The following RNF19A variants were observed in gnomAD, a reference collection of about 807,000 sequenced individuals.
RNF19A encodes the protein ring finger protein 19A, RBR E3 ubiquitin protein ligase, also known as E3 ubiquitin-protein ligase RNF19A.
In RNF19A, 32 loss-of-function variants were observed where a neutral mutation model predicts 75.7. That is an observed-to-expected ratio of 0.42 (90% CI 0.32 to 0.57). The LOEUF is 0.57. Among genes scored for constraint, RNF19A ranks in the 20% least tolerant of loss-of-function variants. The pLI is 0.10. For missense variants in RNF19A, 782 were observed against 1,036.3 expected, an observed-to-expected ratio of 0.75 and a Z score of 3.37; for synonymous variants, 335 against 345.2, an observed-to-expected ratio of 0.97 and a Z score of 0.33.
upstream of RNF19A, among the ~76,000 whole-genome samples, chr8:100,314,596 T>C (rs1287842850): frequency 2.0e-5 from 3 of 152,158 alleles, no homozygotes; most frequent in Non-Finnish European, 4.4e-5. This position sits in a 1 kb window ranked among gnomAD's most constrained non-coding sequence, Gnocchi z 4.1. Flanking sequence ...CTTCCTTCTC[T>C]TCTCTTTCTC....
At chr8:100,327,660 G>T (rs891875374) in intron 1 of RNF19A, among the ~76,000 whole-genome samples, 7 of 152,168 alleles carry the variant, frequency 4.6e-5, no homozygotes, top group African/African-American at 1.7e-4. Flanking sequence ...ATCCTGAGTG[G>T]ATGGTCCCTC....
Position 100,259,853 on chromosome 8 carries a change from C to G in RNF19A, c.1826+1G>C. On this transcript the variant is annotated splice_donor_variant, in intron 9 of 9. Coordinates refer to ENST00000341084, the MANE Select transcript of RNF19A (RefSeq NM_183419.4). LOFTEE classifies it high-confidence loss of function. This position sits in a 1 kb window ranked among gnomAD's most constrained non-coding sequence, Gnocchi z 4.5. ...CAATTTTTTAACAGTTTTTTCCTTACTTGTCCAATGGGATGTAGGAATTCA... is the reference window on the plus strand; with the variant it reads ...CAATTTTTTAACAGTTTTTTCCTTAGTTGTCCAATGGGATGTAGGAATTCA... 3 of 1,605,422 alleles carry G rather than the reference C, an allele frequency of 1.9e-6. No individual in the cohort carries two copies. The highest frequency in any genetic ancestry group is 2.5e-6 in the Non-Finnish European group (3 of 1,176,746).
intron 3 of RNF19A, 54 bp from the exon 4 acceptor site, chr8:100,270,067 C>G: frequency 7.2e-7 from 1 of 1,396,288 alleles, no homozygotes; most frequent in South Asian, 1.8e-5. Flanking sequence ...CTAAAAATAA[C>G]TTCTAGCAGT....
upstream of RNF19A, among the ~76,000 whole-genome samples, chr8:100,310,525 C>T (rs1220659299): frequency 6.6e-6 from 1 of 152,236 alleles, no homozygotes; most frequent in East Asian, 1.9e-4. Flanking sequence ...TTATTCATTC[C>T]TTTGTGTTCT....
At chr8:100,278,379 T>G (rs1441334035) in intron 2 of RNF19A, among the ~76,000 whole-genome samples, 2 of 152,228 alleles carry the variant, frequency 1.3e-5, no homozygotes, top group African/African-American at 4.8e-5. Context: ...GGTTGGCATT[T>G]TAGACATAAC....
intron 1 of RNF19A, among the ~76,000 whole-genome samples, chr8:100,300,303 A>G (rs1381371613): frequency 6.6e-6 from 1 of 152,236 alleles, no homozygotes; most frequent in East Asian, 1.9e-4. Context: ...CACAGCAGGT[A>G]AACAATCATA....
intron 1 of RNF19A, among the ~76,000 whole-genome samples, chr8:100,320,125 T>G (rs2130346764): frequency 6.6e-6 from 1 of 152,300 alleles, no homozygotes; most frequent in African/African-American, 2.4e-5. Flanking sequence ...CGTGAGCCAC[T>G]GTGCCTAGTC....
intron 1 of RNF19A, among the ~76,000 whole-genome samples, chr8:100,328,958 G>A (rs138706259): frequency 1.7e-4 from 26 of 152,284 alleles, no homozygotes; most frequent in Non-Finnish European, 3.2e-4. Context: ...TAAGGATACC[G>A]AGGTGGATCT....
intron 1 of RNF19A, among the ~76,000 whole-genome samples, chr8:100,335,046 G>A (rs952092565): frequency 2.0e-5 from 3 of 152,120 alleles, no homozygotes; most frequent in African/African-American, 7.2e-5. Flanking sequence ...AATTGGAAAT[G>A]CAATACACAA....
intron 1 of RNF19A, among the ~76,000 whole-genome samples, chr8:100,328,478 C>CT (rs763012920): frequency 2.1e-3 from 301 of 145,558 alleles, no homozygotes; most frequent in African/African-American, 4.4e-3. Context: ...TGTTTGTTTG[C>CT]TTTTTTTTTT....
intron 1 of RNF19A, among the ~76,000 whole-genome samples, chr8:100,304,485 A>G (rs1380857183): frequency 6.6e-6 from 1 of 152,050 alleles, no homozygotes; most frequent in Non-Finnish European, 1.5e-5. Flanking sequence ...ACTACTTACC[A>G]GTTCCCACCC....
In RNF19A at chr8:100,289,502, G is replaced by A. The variant is rs1307599159; in HGVS notation, c.-93-1235C>T. 2.0e-5 allele frequency among the ~76,000 whole-genome samples: 3 copies of A among 152,196 alleles called. No homozygotes were observed. The East Asian group carries it at 5.8e-4, about 29-fold the overall frequency. On this transcript the variant is annotated intron_variant, in intron 1 of 9. Transcript: ENST00000341084. The stretch of plus-strand genomic sequence containing the variant: ...AACATAGACAATCCAATAGAAAAAC[G>A]GGCAGGGGACTTAACAGGCATTTCA...
intron 3 of RNF19A, among the ~76,000 whole-genome samples, chr8:100,274,627 G>A (rs1256897746): frequency 2.0e-5 from 3 of 151,866 alleles, no homozygotes; most frequent in East Asian, 3.9e-4. Context: ...TTAAGTGGTC[G>A]GCCCGCCTCA....
At chr8:100,276,892 G>T (rs1820546185) in intron 2 of RNF19A, among the ~76,000 whole-genome samples, 2 of 151,952 alleles carry the variant, frequency 1.3e-5, no homozygotes, top group Non-Finnish European at 2.9e-5. Context: ...CAGGAAATTT[G>T]AGTGAGATTG....
chr8:100,310,260 C>A (rs546229175), upstream of RNF19A: 30 of 984,768 alleles, frequency 3.0e-5, no homozygotes, highest in South Asian at 1.3e-3. Flanking sequence ...TGTTCCCTTG[C>A]GCACGTTCGT....
At chr8:100,298,456 A>G (rs1821674667) in intron 1 of RNF19A, among the ~76,000 whole-genome samples, 1 of 152,220 alleles carries the variant, frequency 6.6e-6, no homozygotes, top group Non-Finnish European at 1.5e-5. Context: ...TCAACATATC[A>G]TTAGTGTAGG....
chr8:100,292,429 C>T (rs920271183), intron 1 of RNF19A, among the ~76,000 whole-genome samples: 17 of 125,378 alleles, frequency 1.4e-4, no homozygotes, highest in African/African-American at 6.8e-4. Context: ...GGCTTGCTAT[C>T]ATATGGGTGT....
rs936894858 is a variant in RNF19A, at chr8:100,287,303, G to A, written c.674+198C>T. On this transcript the variant is annotated intron_variant, in intron 2 of 9. Coordinates refer to ENST00000341084, the MANE Select transcript of RNF19A (RefSeq NM_183419.4). This position sits in a 1 kb window ranked among gnomAD's most constrained non-coding sequence, Gnocchi z 4.1. Reference sequence around the variant, plus strand: ...TAAAAGTGCTCAGTGAGTATGTAACGCAGAGACGATATAGAAATGAGTAAG... The same window carrying A: ...TAAAAGTGCTCAGTGAGTATGTAACACAGAGACGATATAGAAATGAGTAAG... Among the ~76,000 whole-genome samples, 4 of 152,074 alleles carry A rather than the reference G, an allele frequency of 2.6e-5. No homozygotes were observed. Among genetic ancestry groups the A allele is most frequent in the African/African-American group, 7.2e-5 (3 of 41,398 alleles).
Position 100,259,105 on chromosome 8 carries a change from A to G in RNF19A, c.1968T>C (p.Gly656=). 1 of 1,614,006 alleles carries G rather than the reference A, an allele frequency of 6.2e-7. No individual in the cohort carries two copies. Among genetic ancestry groups the G allele is most frequent in the Non-Finnish European group, 8.5e-7 (1 of 1,179,970 alleles). Residue 656 remains glycine (G), a synonymous_variant, in exon 10 of 10, where the codon GGT becomes GGC. Transcript: ENST00000341084. The surrounding 1 kb of genome is among the most constrained non-coding windows in gnomAD (Gnocchi z 4.5). ...TGGACCACTTGGTGGCACTAGATTT[A>G]CCTTCAGGCAAGCCACTGGATGAAC... is the stretch of plus-strand genomic sequence containing the variant. The part of the protein sequence containing the change: ...AGGSSSGLPE[G]KSSATKWSKE...
Sources: allele counts gnomAD v4.1 joint callset (sites outside exome capture counted in the v4.1 genomes callset), GRCh38; gene constraint gnomAD v4.1.1; non-coding constraint Gnocchi (gnomAD v3.1); transcripts MANE v1.5; gene names NCBI Gene and HGNC (gene_info 2026-07-23, HGNC 2026-07-21).